DCLK2: variants seen among roughly 807,000 people sequenced by gnomAD.
DCLK2 encodes serine/threonine-protein kinase DCLK2.
A neutral mutation model predicts 78.4 loss-of-function variants in DCLK2; 31 were observed. The ratio of observed to expected loss-of-function variants is 0.40; its 90% CI spans 0.30 to 0.53. The LOEUF (loss-of-function observed/expected upper bound fraction) is 0.53. DCLK2 is among the 20% of genes least tolerant of loss of function. The pLI is 0.61. For missense variants in DCLK2, 872 were observed against 973.7 expected, an observed-to-expected ratio of 0.90 and a Z score of 1.39; for synonymous variants, 407 against 374.9, an observed-to-expected ratio of 1.09 and a Z score of -0.99.
rs991638304 is a variant in DCLK2, at chr4:150,201,897, C to T, written c.962-1898C>T. Among the ~76,000 whole-genome samples, 4 of 152,170 alleles carry T rather than the reference C, an allele frequency of 2.6e-5. No individual in the cohort carries two copies. In the South Asian group the frequency reaches 8.3e-4, roughly 32 times the overall value. On this transcript the variant is annotated intron_variant, in intron 4 of 15. Coordinates refer to ENST00000296550, the MANE Select transcript of DCLK2 (RefSeq NM_001040260.4). ...CATAATCTCTCTTTTGTGTGAATTC[C>T]ATTGAAAAAGATTTTTTTAAAGACT...
intron 2 of DCLK2, among the ~76,000 whole-genome samples, chr4:150,143,782 A>G (rs1446637997): frequency 6.6e-6 from 1 of 151,950 alleles, no homozygotes; most frequent in African/African-American, 2.4e-5. Flanking sequence ...TGGGGCTTTA[A>G]TTTGCATTTC....
intron 2 of DCLK2, among the ~76,000 whole-genome samples, chr4:150,148,154 C>T (rs769696790): frequency 9.2e-5 from 14 of 151,998 alleles, no homozygotes; most frequent in African/African-American, 1.7e-4. Flanking sequence ...GATTGAGCTC[C>T]GTAGTTCGAG....
intron 1 of DCLK2, among the ~76,000 whole-genome samples, chr4:150,099,943 T>A (rs1730771896): frequency 6.6e-6 from 1 of 152,174 alleles, no homozygotes; most frequent in African/African-American, 2.4e-5. Context: ...GACAGGATCT[T>A]GCTCTGTTGC....
rs1007592384 is a variant in DCLK2 at position 150,210,965 on chromosome 4, AAAG to A, written c.1056+7079_1056+7081del. Among the ~76,000 whole-genome samples, 48 of 130,580 alleles carry A rather than the reference AAAG, an allele frequency of 3.7e-4. 1 individual carries two copies. The highest frequency in any genetic ancestry group is 5.1e-4 in the Non-Finnish European group (30 of 58,860). 85.7% of individuals were successfully genotyped at this position (130,580 alleles called of 152,430 possible). A position where few individuals can be genotyped will look rare whatever the true frequency, so the allele number is the denominator to read the frequency against. The stretch of plus-strand genomic sequence containing the variant: ...CTCTGTCTCAAAAAAAAAAAAAAAG[AAAG>A]AAAGAAAAAGGTTATCCCAAAATTT... On this transcript the variant is annotated intron_variant, in intron 5 of 15. Transcript: ENST00000296550.
intron 10 of DCLK2, among the ~76,000 whole-genome samples, chr4:150,239,042 C>T (rs140180956): frequency 1.0e-3 from 158 of 152,242 alleles, no homozygotes; most frequent in African/African-American, 3.7e-3. Flanking sequence ...CTTGGGCTCT[C>T]AAGTACATCA....
In DCLK2 at chr4:150,203,821, T is replaced by C. The variant is rs749761682; in HGVS notation, c.988T>C (p.Ser330Pro). 3 of 1,613,932 alleles carry C rather than the reference T, an allele frequency of 1.9e-6. No homozygotes were observed. The highest frequency in any genetic ancestry group is 4.5e-5 in the East Asian group (2 of 44,872). ...SVNGTPSSQL[S>P]TPKSTKSSSS... ...TAATGGAACTCCCAGCAGCCAACTT[T>C]CTACTCCTAAATCTACGAAATCCTC... The change falls in exon 5 of 16, where the codon TCT (serine) becomes CCT (proline). Residue 330 changes from serine to proline, a missense_variant. Around this residue, in one of 3 missense-constraint regions of DCLK2, gnomAD observed 567 missense variants for 593.4 expected, o/e 0.96. Transcript: ENST00000296550.
intron 8 of DCLK2, among the ~76,000 whole-genome samples, chr4:150,231,931 T>C (rs1284260692): frequency 2.0e-5 from 3 of 152,258 alleles, no homozygotes; most frequent in Non-Finnish European, 4.4e-5. Flanking sequence ...AGTTTTCTTA[T>C]ATGCCTAGTC....
chr4:150,238,987 C>T (rs1463435359), intron 10 of DCLK2, among the ~76,000 whole-genome samples: 1 of 152,166 alleles, frequency 6.6e-6, no homozygotes, highest in Non-Finnish European at 1.5e-5. Flanking sequence ...ATGCTAGTGC[C>T]GTGGAGATCA....
chr4:150,197,560 C>T (rs1023877265), intron 3 of DCLK2, among the ~76,000 whole-genome samples: 4 of 152,022 alleles, frequency 2.6e-5, no homozygotes, highest in Admixed American at 1.3e-4. Context: ...TTGAGACCAG[C>T]CTGGCCAACA....
chr4:150,135,954 G>A (rs1425075847), intron 2 of DCLK2, among the ~76,000 whole-genome samples: 1 of 152,256 alleles, frequency 6.6e-6, no homozygotes, highest in South Asian at 2.1e-4. Flanking sequence ...AGCTTTGTGG[G>A]GTTTCTCCAG....
chr4:150,154,824 C>A (rs1425898206), intron 2 of DCLK2, among the ~76,000 whole-genome samples: 4 of 152,100 alleles, frequency 2.6e-5, no homozygotes, highest in Non-Finnish European at 5.9e-5. Context: ...TTTTACTGCA[C>A]AATTGAGTTG....
At chr4:150,187,212 A>G (rs538078382) in intron 2 of DCLK2, among the ~76,000 whole-genome samples, 81 of 152,034 alleles carry the variant, frequency 5.3e-4, no homozygotes, top group Non-Finnish European at 9.6e-4. Flanking sequence ...TGTCACCCAG[A>G]GTATAGTGCA....
chr4:150,152,766 AT>A (rs900392249), intron 2 of DCLK2, among the ~76,000 whole-genome samples: 5 of 152,182 alleles, frequency 3.3e-5, no homozygotes, highest in Non-Finnish European at 7.4e-5. Flanking sequence ...TCAAAGAATA[AT>A]TTTTTTAAAA....
intron 8 of DCLK2, among the ~76,000 whole-genome samples, chr4:150,228,846 G>A (rs1392099192): frequency 6.6e-6 from 1 of 151,846 alleles, no homozygotes; most frequent in African/African-American, 2.4e-5. Context: ...CTAACAAGGT[G>A]AAACCCCGTC....
chr4:150,205,496 G>A (rs1291351525), intron 5 of DCLK2, among the ~76,000 whole-genome samples: 1 of 152,168 alleles, frequency 6.6e-6, no homozygotes, highest in Non-Finnish European at 1.5e-5. Flanking sequence ...ATTACTGCAA[G>A]TTCCTTATAT....
chr4:150,213,931 A>G (rs1369994191), intron 5 of DCLK2, among the ~76,000 whole-genome samples: 1 of 152,214 alleles, frequency 6.6e-6, no homozygotes, highest in Admixed American at 6.5e-5. Context: ...TTGGATTCTG[A>G]TTCCACATTT....
chr4:150,090,848 A>G (rs573273577), intron 1 of DCLK2, among the ~76,000 whole-genome samples: 1 of 152,274 alleles, frequency 6.6e-6, no homozygotes, highest in African/African-American at 2.4e-5. Context: ...CTGCAGGTGT[A>G]TTGAAAAAGT....
intron 2 of DCLK2, among the ~76,000 whole-genome samples, chr4:150,169,093 A>T (rs1263277187): frequency 2.7e-5 from 4 of 148,590 alleles, no homozygotes; most frequent in Non-Finnish European, 5.9e-5. Flanking sequence ...TAGATTTCAC[A>T]CATCTTTGTT....
In DCLK2 at chr4:150,186,539, CTG is replaced by C. The variant is rs1203607166; in HGVS notation, c.757-6594_757-6593del. ...TGTCTTGTCCATTTTCATCACTAGA[CTG>C]TGTGCTTCTTGTCTTTTATTTATGC... On this transcript the variant is annotated intron_variant, in intron 2 of 15. Transcript: ENST00000296550. Among the ~76,000 whole-genome samples the C allele has an allele frequency of 3.3e-5, 5 of 152,286 alleles. No homozygotes were observed. The East Asian group carries it at 9.6e-4, about 29-fold the overall frequency.
Sources: gnomAD v4.1 joint callset for allele counts (sites outside exome capture counted in the v4.1 genomes callset) on GRCh38, gnomAD v4.1.1 for gene constraint, gnomAD v4.1.1 regional missense constraint, MANE v1.5 for transcripts, NCBI Gene and HGNC (gene_info 2026-07-23, HGNC 2026-07-21) for gene names.